Variants in ERRFI1 observed in about 807,000 individuals in gnomAD.
The protein encoded by ERRFI1 is ERBB receptor feedback inhibitor 1.
ERRFI1 carries 12 observed loss-of-function variants against 14.6 expected under a neutral mutation model. That is an observed-to-expected ratio of 0.82 (90% CI 0.53 to 1.33). ERRFI1 has a LOEUF of 1.33. ERRFI1 is among the 40% of genes most tolerant of loss of function. ERRFI1 has a pLI of 0.00. For synonymous variants in ERRFI1, 202 were observed against 209.9 expected, an observed-to-expected ratio of 0.96 and a Z score of 0.32; for missense variants, 482 against 572.1, an observed-to-expected ratio of 0.84 and a Z score of 1.61.
At chr1:8,021,666 A>G (rs1004601705) in intron 1 of ERRFI1, among the ~76,000 whole-genome samples, 1 of 152,218 alleles carries the variant, frequency 6.6e-6, no homozygotes, top group African/African-American at 2.4e-5. Context: ...ATGATAACTA[A>G]CATTCACTGG....
At chr1:8,021,954 T>C (rs906940596) in intron 1 of ERRFI1, among the ~76,000 whole-genome samples, 2 of 152,224 alleles carry the variant, frequency 1.3e-5, no homozygotes, top group Non-Finnish European at 2.9e-5. Flanking sequence ...CGACTGACTA[T>C]ACTGCTCAAC....
In ERRFI1 at chr1:8,012,269, A is replaced by C. The variant is rs892295135; in HGVS notation, c.*941T>G. ...TGTTTATTAATACAGTCTAAAAAAA[A>C]AAAGCAAAACCACAACACACATCCC... On this transcript the variant is annotated 3_prime_UTR_variant, in exon 4 of 4. Transcript: ENST00000377482. 6 of 231,576 alleles carry C rather than the reference A, an allele frequency of 2.6e-5. No individual in the cohort carries two copies. Among genetic ancestry groups the C allele is most frequent in the Non-Finnish European group, 5.1e-5 (6 of 116,774 alleles). The allele number at this position is 231,576 out of a possible 1,614,324, so 14.3% of individuals were successfully genotyped here.
At chr1:8,014,517 C>T in intron 3 of ERRFI1, 121 bp from the exon 4 acceptor site, 2 of 933,218 alleles carry the variant, frequency 2.1e-6, no homozygotes, top group Non-Finnish European at 3.2e-6. Context: ...CACTTGACTG[C>T]TGTCACCCCG....
rs781338553 is a variant in ERRFI1 at position 8,013,241 on chromosome 1, C to T, written c.1358G>A (p.Arg453His). 1.2e-5 allele frequency: 19 copies of T among 1,613,322 alleles called. No homozygotes were observed. The highest frequency in any genetic ancestry group is 5.5e-5 in the South Asian group (5 of 90,962). Residue 453 changes from arginine to histidine, a missense_variant, in exon 4 of 4, where the codon CGT becomes CAT. Transcript: ENST00000377482. The surrounding 1 kb of genome is among the most constrained non-coding windows in gnomAD (Gnocchi z 4.3). ...AGAAACCACATAGGATAAATGTTTA[C>T]GCTTCACGTGGCCACCCAGATCCAT... is the stretch of plus-strand genomic sequence containing the variant. Reference protein sequence around the residue: ...TKMDLGGHVKRKHLSYVVSP With the variant: ...TKMDLGGHVKHKHLSYVVSP
Position 8,014,207 on chromosome 1 carries a change from G to C in ERRFI1, c.392C>G (p.Thr131Arg), listed in dbSNP as rs2124061836. 1 of 1,614,128 alleles carries C rather than the reference G, an allele frequency of 6.2e-7. No individual in the cohort carries two copies. The highest frequency in any genetic ancestry group is 8.5e-7 in the Non-Finnish European group (1 of 1,180,030). ...AAGGGAAGGGGAGTTTTTTATGGGT[G>C]TCAGTGGAGGGGTGGAAGCACAAAC... ...NGVCASTPPL[T>R]PIKNSPSLFP... Residue 131 changes from threonine to arginine, a missense_variant, in exon 4 of 4, where the codon ACA (threonine) becomes AGA (arginine). Coordinates refer to ENST00000377482, the MANE Select transcript of ERRFI1 (RefSeq NM_018948.4).
In ERRFI1 at chr1:8,021,493, CAA is replaced by C. The variant is rs1252312481; in HGVS notation, c.-74+4663_-74+4664del. On this transcript the variant is annotated intron_variant, in intron 1 of 3. Coordinates refer to ENST00000377482, the MANE Select transcript of ERRFI1 (RefSeq NM_018948.4). ...AATATTATTTCTTTTTGACATATAA[CAA>C]TAGATTATTTCTTACTATAAAAGTG... 2.6e-5 allele frequency among the ~76,000 whole-genome samples: 4 copies of C among 152,124 alleles called. No homozygotes were observed. The East Asian group carries it at 5.8e-4, about 22-fold the overall frequency.
intron 1 of ERRFI1, among the ~76,000 whole-genome samples, chr1:8,021,443 T>C (rs990323068): frequency 6.6e-6 from 1 of 152,184 alleles, no homozygotes; most frequent in Non-Finnish European, 1.5e-5. Context: ...AATCAGTAAC[T>C]ATATATACAC....
intron 1 of ERRFI1, among the ~76,000 whole-genome samples, chr1:8,022,939 A>G (rs1422141110): frequency 6.6e-6 from 1 of 152,170 alleles, no homozygotes; most frequent in Non-Finnish European, 1.5e-5. Flanking sequence ...GCAAGCAAAC[A>G]ATTTTAGATG....
Position 8,013,626 on chromosome 1 carries a change from A to C in ERRFI1, c.973T>G (p.Leu325Val). ...RPPKVPPREPLSPSNSRTPSP... is the reference protein window; with the variant it reads ...RPPKVPPREPVSPSNSRTPSP... ...GGTGTGCGCGAGTTACTCGGTGACAAAGGTTCTCTTGGCGGTACTTTGGGA... is the reference window on the plus strand; with the variant it reads ...GGTGTGCGCGAGTTACTCGGTGACACAGGTTCTCTTGGCGGTACTTTGGGA... Residue 325 changes from leucine to valine, a missense_variant, in exon 4 of 4, where the codon TTG becomes GTG. Coordinates refer to ENST00000377482, the MANE Select transcript of ERRFI1 (RefSeq NM_018948.4). The surrounding 1 kb of genome is among the most constrained non-coding windows in gnomAD (Gnocchi z 4.3). 2 of 1,614,056 alleles carry C rather than the reference A, an allele frequency of 1.2e-6. No homozygotes were observed. Among genetic ancestry groups the C allele is most frequent in the South Asian group, 1.1e-5 (1 of 91,072 alleles).
chr1:8,014,072 C>T lies in ERRFI1; in HGVS notation c.527G>A (p.Ser176Asn). The T allele has an allele frequency of 6.2e-7, 1 of 1,614,148 alleles. No homozygotes were observed. ...TTCTAAAAGGAAGTCTGTATCTGAG[C>T]TAGTTAGGAATTCCACCTCACAGTC... ...DTDCEVEFLT[S>N]SDTDFLLEDS... is the part of the protein sequence containing the mutation. Residue 176 changes from serine (S) to asparagine (N), a missense_variant, in exon 4 of 4, where the codon AGC becomes AAC. By Grantham distance (46) the Ser-to-Asn change is conservative. Coordinates refer to ENST00000377482, the MANE Select transcript of ERRFI1 (RefSeq NM_018948.4).
At position 8,013,812 on chromosome 1, in the gene ERRFI1, T is replaced by C. The variant is rs1386810513; in HGVS notation, c.787A>G (p.Arg263Gly). The C allele has an allele frequency of 2.5e-6, 4 of 1,614,136 alleles. No homozygotes were observed. Among genetic ancestry groups the C allele is most frequent in the Non-Finnish European group, 3.4e-6 (4 of 1,180,032 alleles). Reference sequence around the variant, plus strand: ...CTGTGTATACAACAGTTGGATATCCTTATGGCTGGCTTGTTAAAGGAGCCA... The same window carrying C: ...CTGTGTATACAACAGTTGGATATCCCTATGGCTGGCTTGTTAAAGGAGCCA... ...PAGSFNKPAI[R>G]ISNCCIHRAS... Residue 263 changes from arginine (R) to glycine (G), a missense_variant, in exon 4 of 4, where the codon AGG (arginine) becomes GGG (glycine). Coordinates refer to ENST00000377482, the MANE Select transcript of ERRFI1 (RefSeq NM_018948.4). The surrounding 1 kb of genome is among the most constrained non-coding windows in gnomAD (Gnocchi z 4.3).
rs1216378481 is a variant in ERRFI1 at position 8,015,030 on chromosome 1, G to A, written c.202+278C>T. 6 of 376,936 alleles carry A rather than the reference G, an allele frequency of 1.6e-5. No individual in the cohort carries two copies. The East Asian group carries it at 1.6e-4, about 10-fold the overall frequency. The allele number at this position is 376,936 out of a possible 1,614,324, so 23.3% of individuals were successfully genotyped here. A position where few individuals can be genotyped will look rare whatever the true frequency, so the allele number is the denominator to read the frequency against. ...CCTAAGGTTTCATGAAGTAAAGTAT[G>A]CATCAGAGCTGGAATGAGAACTAAT... On this transcript the variant is annotated intron_variant, in intron 3 of 3. Coordinates refer to ENST00000377482, the MANE Select transcript of ERRFI1 (RefSeq NM_018948.4).
Position 8,013,547 on chromosome 1 carries a change from C to T in ERRFI1, c.1052G>A (p.Ser351Asn). The change falls in exon 4 of 4, where the codon AGC becomes AAC. Residue 351 changes from serine to asparagine, a missense_variant. Physicochemically the swap from Ser to Asn is conservative, Grantham distance 46. Coordinates refer to ENST00000377482, the MANE Select transcript of ERRFI1 (RefSeq NM_018948.4). This position sits in a 1 kb window ranked among gnomAD's most constrained non-coding sequence, Gnocchi z 4.3. ...YLNGVMPPTQ[S>N]FAPDPKYVSS... Reference sequence around the variant, plus strand: ...GACATACTTGGGATCAGGGGCAAAGCTCTGTGTCGGGGGCATGACCCCATT... The same window carrying T: ...GACATACTTGGGATCAGGGGCAAAGTTCTGTGTCGGGGGCATGACCCCATT... 1 of 1,614,044 alleles carries T rather than the reference C, an allele frequency of 6.2e-7. No individual in the cohort carries two copies.
intron 1 of ERRFI1, among the ~76,000 whole-genome samples, chr1:8,017,017 A>G (rs977859383): frequency 6.6e-6 from 1 of 152,018 alleles, no homozygotes; most frequent in African/African-American, 2.4e-5. Flanking sequence ...CCTTTTAACA[A>G]TCAGTACCTG....
At chr1:8,019,888 G>T (rs1641251727) in intron 1 of ERRFI1, among the ~76,000 whole-genome samples, 1 of 151,964 alleles carries the variant, frequency 6.6e-6, no homozygotes, top group Admixed American at 6.6e-5. Context: ...GCAATTGGGG[G>T]GGTACTTTCT....
At chr1:8,018,245 G>A (rs1010747006) in intron 1 of ERRFI1, among the ~76,000 whole-genome samples, 1 of 151,862 alleles carries the variant, frequency 6.6e-6, no homozygotes, top group African/African-American at 2.4e-5. Flanking sequence ...AGGGCAATGT[G>A]CTATAGGTTT....
rs1182343641 is a variant in ERRFI1, at chr1:8,012,008, A to C, written c.*1202T>G. ...AGTGAGCACCTTCTCTTCTGTGCTT[A>C]TCTCTTCAAGATAAATACATGGAAG... On this transcript the variant is annotated 3_prime_UTR_variant, in exon 4 of 4. Transcript: ENST00000377482. 8.7e-6 allele frequency: 2 copies of C among 229,504 alleles called. No individual in the cohort carries two copies. The highest frequency in any genetic ancestry group is 2.2e-5 in the African/African-American group (1 of 45,130). 14.2% of individuals were successfully genotyped at this position (229,504 alleles called of 1,614,324 possible). A position where few individuals can be genotyped will look rare whatever the true frequency, so the allele number is the denominator to read the frequency against.
intron 1 of ERRFI1, among the ~76,000 whole-genome samples, chr1:8,016,664 ATTT>A (rs1396460712): frequency 1.3e-5 from 2 of 152,070 alleles, no homozygotes; most frequent in Non-Finnish European, 2.9e-5. Context: ...AGCCAAGTTT[ATTT>A]ATAAGTTTAG....
At chr1:8,025,789 C>T (rs946673606) in intron 1 of ERRFI1, among the ~76,000 whole-genome samples, 1 of 152,186 alleles carries the variant, frequency 6.6e-6, no homozygotes, top group African/African-American at 2.4e-5. Flanking sequence ...CTCCTGCGGT[C>T]CCGGTGCTGC....
Sources: allele counts gnomAD v4.1 joint callset (sites outside exome capture counted in the v4.1 genomes callset), GRCh38; gene constraint gnomAD v4.1.1; non-coding constraint Gnocchi (gnomAD v3.1); transcripts MANE v1.5; gene names NCBI Gene and HGNC (gene_info 2026-07-23, HGNC 2026-07-21).